PSMD11: variants seen among roughly 807,000 people sequenced by gnomAD.
The protein encoded by PSMD11 is 26S proteasome non-ATPase regulatory subunit 11.
Under a neutral mutation model 62.3 loss-of-function variants are expected in PSMD11, and 5 were observed. That is an observed-to-expected ratio of 0.08 (90% confidence interval 0.04 to 0.17). The LOEUF (loss-of-function observed/expected upper bound fraction) is 0.17. Ranked by LOEUF, PSMD11 falls within the 10% of genes least tolerant of loss-of-function variation. The pLI, the probability that PSMD11 is intolerant of heterozygous loss-of-function variation, is 1.00. For missense variants in PSMD11, 310 were observed against 512.9 expected, an observed-to-expected ratio of 0.60 and a Z score of 3.82; for synonymous variants, 191 against 191.8, an observed-to-expected ratio of 1.00 and a Z score of 0.03.
chr17:32,475,548 G>A (rs2150839296), intron 8 of PSMD11, among the ~76,000 whole-genome samples: 2 of 151,756 alleles, frequency 1.3e-5, no homozygotes, highest in South Asian at 2.1e-4. Context: ...CTGTATCTCT[G>A]GAGGAGTGGC....
At chr17:32,477,451 G>A (rs186320617) in intron 8 of PSMD11, 70 bp from the exon 9 acceptor site, 486 of 1,366,188 alleles carry the variant, frequency 3.6e-4, no homozygotes, top group Admixed American at 1.0e-3. Context: ...ACAGCATACT[G>A]CTTATGAGAC....
At chr17:32,463,939 G>A in intron 3 of PSMD11, 110 bp from the exon 4 acceptor site, 2 of 996,744 alleles carry the variant, frequency 2.0e-6, no homozygotes, top group Non-Finnish European at 3.2e-6. Context: ...ACACTAAATA[G>A]AGCAACATGG....
intron 2 of PSMD11, among the ~76,000 whole-genome samples, chr17:32,452,184 C>T (rs1047667345): frequency 3.9e-5 from 6 of 152,188 alleles, no homozygotes; most frequent in African/African-American, 1.4e-4. Flanking sequence ...CTACTAAGAC[C>T]ATATAACCTG....
chr17:32,472,291 C>T (rs983995868), intron 6 of PSMD11, among the ~76,000 whole-genome samples: 4 of 151,408 alleles, frequency 2.6e-5, no homozygotes, highest in African/African-American at 4.9e-5. Context: ...GACGTGACCT[C>T]GGCTCACTGC....
At chr17:32,450,601 CAT>C (rs1907465084) in intron 2 of PSMD11, among the ~76,000 whole-genome samples, 1 of 151,332 alleles carries the variant, frequency 6.6e-6, no homozygotes, top group Non-Finnish European at 1.5e-5. Context: ...AAAATCTGGT[CAT>C]ATAATTACAG....
chr17:32,455,839 A>C (rs2150831003), intron 3 of PSMD11, among the ~76,000 whole-genome samples: 1 of 152,256 alleles, frequency 6.6e-6, no homozygotes, highest in Non-Finnish European at 1.5e-5. Context: ...TTTTTTAAAA[A>C]TTGTACTTTA....
At chr17:32,470,546 C>T (rs142290471) in intron 6 of PSMD11, among the ~76,000 whole-genome samples, 31 of 152,274 alleles carry the variant, frequency 2.0e-4, no homozygotes, top group African/African-American at 7.5e-4. Flanking sequence ...CTCTGCCTCC[C>T]AAAGTGCTAG....
chr17:32,477,796 C>A, intron 9 of PSMD11: 1 of 356,946 alleles, frequency 2.8e-6, no homozygotes, highest in Non-Finnish European at 5.0e-6. Context: ...ATTATTTATA[C>A]ATAATACCTT....
chr17:32,459,115 C>CGTATATAT (rs1371664058), intron 3 of PSMD11, among the ~76,000 whole-genome samples: 1 of 111,882 alleles, frequency 8.9e-6, no homozygotes, highest in East Asian at 2.3e-4. Context: ...AAAAAAAATA[C>CGTATATAT]ATATATATAT....
intron 2 of PSMD11, among the ~76,000 whole-genome samples, chr17:32,451,004 C>T (rs929550246): frequency 6.6e-6 from 1 of 150,948 alleles, no homozygotes; most frequent in African/African-American, 2.4e-5. Flanking sequence ...TGCCTGTGTC[C>T]CAGGTACTTG....
chr17:32,450,975 G>C (rs1364487526), intron 2 of PSMD11, among the ~76,000 whole-genome samples: 2 of 151,590 alleles, frequency 1.3e-5, no homozygotes, highest in African/African-American at 4.8e-5. Flanking sequence ...TAAAAAAATT[G>C]ACTGGGTGTG....
chr17:32,461,940 GT>G (rs1339887953), intron 3 of PSMD11, among the ~76,000 whole-genome samples: 2 of 152,182 alleles, frequency 1.3e-5, no homozygotes, highest in African/African-American at 4.8e-5. Flanking sequence ...AGTTACAAAG[GT>G]TTTGCTGGTT....
intron 1 of PSMD11, chr17:32,445,579 G>A (rs1053964855): frequency 4.6e-5 from 7 of 152,214 alleles, no homozygotes; most frequent in South Asian, 2.1e-4. Flanking sequence ...AGACGTTAAT[G>A]TTCACTCATA....
rs755657284 is a variant in PSMD11 at position 32,480,193 on chromosome 17, T to C, written c.1122T>C (p.Phe374=). The C allele has an allele frequency of 6.2e-7, 1 of 1,613,354 alleles. No individual in the cohort carries two copies. The change falls in exon 12 of 14, where the codon TTT becomes TTC. Residue 374 remains phenylalanine (F), a synonymous_variant. Coordinates refer to ENST00000261712, the MANE Select transcript of PSMD11 (RefSeq NM_002815.4). ...CACAGATGATTCTTGACAAGAAATTTCATGGTAAGTAACAGTCACACAGGC... is the reference window on the plus strand; with the variant it reads ...CACAGATGATTCTTGACAAGAAATTCCATGGTAAGTAACAGTCACACAGGC... The part of the protein sequence containing the change: ...KLSQMILDKK[F]HGILDQGEGV...
intron 4 of PSMD11, 102 bp from the exon 5 acceptor site, chr17:32,464,419 G>A (rs1330124267): frequency 1.0e-6 from 1 of 964,132 alleles, no homozygotes; most frequent in Admixed American, 2.3e-5. Flanking sequence ...GCTATCATCA[G>A]AAATTGCATA....
At chr17:32,444,829 C>T in intron 1 of PSMD11, 1 of 585,524 alleles carries the variant, frequency 1.7e-6, no homozygotes, top group Non-Finnish European at 2.9e-6. Flanking sequence ...GGTCCCCTCG[C>T]CGGCTGCTGA....
intron 1 of PSMD11, 22 bp downstream of exon 1, chr17:32,444,636 C>G (rs1907267830): frequency 1.2e-6 from 2 of 1,609,854 alleles, no homozygotes; most frequent in Non-Finnish European, 1.7e-6. Flanking sequence ...CGCGCCGCCT[C>G]CCCGGCCCCG....
At chr17:32,463,258 C>G (rs1907893502) in intron 3 of PSMD11, 1 of 152,230 alleles carries the variant, frequency 6.6e-6, no homozygotes, top group Non-Finnish European at 1.5e-5. Context: ...CCTTACCTCA[C>G]TACTTAGGTG....
At chr17:32,479,111 A>G in intron 9 of PSMD11, 140 bp from the exon 10 acceptor site, 1 of 1,160,978 alleles carries the variant, frequency 8.6e-7, no homozygotes, top group Non-Finnish European at 1.2e-6. Flanking sequence ...TCTGCTTTGT[A>G]TCATGCATCT....
Sources: allele counts gnomAD v4.1 joint callset (sites outside exome capture counted in the v4.1 genomes callset), GRCh38; gene constraint gnomAD v4.1.1; transcripts MANE v1.5; gene names NCBI Gene and HGNC (gene_info 2026-07-23, HGNC 2026-07-21).